The following KIAA1217 variants were observed in gnomAD, a reference collection of about 807,000 sequenced individuals.
KIAA1217 encodes sickle tail protein homolog.
KIAA1217 carries 88 observed loss-of-function variants against 163.9 expected under a neutral mutation model. The observed-to-expected ratio is 0.54, with a 90% CI of 0.45 to 0.64. The LOEUF is 0.64. KIAA1217 is among the 30% of genes least tolerant of loss of function. The probability of loss-of-function intolerance (pLI) is 0.00; values close to 1 mark genes in which losing one functional copy is unlikely to be tolerated. For synonymous variants in KIAA1217, 903 were observed against 923.1 expected (o/e 0.98, Z 0.39); for missense variants, 2,372 against 2,475.0 (o/e 0.96, Z 0.88).
chr10:23,918,733 T>TATATATACAC (rs769797460), intron 1 of KIAA1217, among the ~76,000 whole-genome samples: 80 of 147,580 alleles, frequency 5.4e-4, no homozygotes, highest in East Asian at 1.4e-3. Context: ...ATTAAATATA[T>TATATATACAC]ACACACACAC....
intron 1 of KIAA1217, among the ~76,000 whole-genome samples, chr10:23,842,058 G>C (rs1356875143): frequency 2.0e-5 from 3 of 151,820 alleles, no homozygotes; most frequent in Non-Finnish European, 4.4e-5. Context: ...AGTAGAGATG[G>C]GATTTTGCCA....
At chr10:24,031,234 C>T (rs575047168) in intron 2 of KIAA1217, among the ~76,000 whole-genome samples, 1 of 152,118 alleles carries the variant, frequency 6.6e-6, no homozygotes, top group African/African-American at 2.4e-5. Flanking sequence ...AGCATCCACT[C>T]TCATGAATGT....
At chr10:24,425,995 A>T (rs534593392) in intron 3 of KIAA1217, among the ~76,000 whole-genome samples, 1 of 152,224 alleles carries the variant, frequency 6.6e-6, no homozygotes, top group African/African-American at 2.4e-5. Context: ...AGAAAACGCA[A>T]TAAGAATCCT....
intron 2 of KIAA1217, among the ~76,000 whole-genome samples, chr10:24,128,967 T>C (rs2063559198): frequency 6.6e-6 from 1 of 152,252 alleles, no homozygotes; most frequent in South Asian, 2.1e-4. Context: ...GAATTAACCC[T>C]ACTTCAGCTA....
Position 24,546,165 on chromosome 10 carries a change from G to T in KIAA1217, c.5673G>T (p.Leu1891Phe). 6.2e-7 allele frequency: 1 copy of T among 1,614,040 alleles called. No individual in the cohort carries two copies. Among genetic ancestry groups the T allele is most frequent in the Non-Finnish European group, 8.5e-7 (1 of 1,180,016 alleles). Reference protein sequence around the residue: ...QSQNGRAPPPLSFSSSPPSPA... With the variant: ...QSQNGRAPPPFSFSSSPPSPA... ...AAAATGGCCGAGCACCCCCTCCTTT[G>T]TCATTTTCCTCCTCCCCTCCTTCTC... The change falls in exon 21 of 21, where the codon TTG becomes TTT. Residue 1891 changes from leucine (L) to phenylalanine (F), a missense_variant. By Grantham distance (22) the Leu-to-Phe change is conservative. Transcript: ENST00000376454.
chr10:24,090,525 CT>C (rs1272679824), intron 2 of KIAA1217, among the ~76,000 whole-genome samples: 1 of 151,284 alleles, frequency 6.6e-6, no homozygotes, highest in Non-Finnish European at 1.5e-5. Flanking sequence ...TCTTTCCTTT[CT>C]GTGCTCCCAA....
intron 2 of KIAA1217, among the ~76,000 whole-genome samples, chr10:24,279,868 C>A (rs1335300096): frequency 2.6e-5 from 4 of 152,146 alleles, no homozygotes; most frequent in Non-Finnish European, 5.9e-5. Flanking sequence ...GGTACAAGTT[C>A]ATCTGATAGT....
At chr10:24,009,835 C>T (rs1218436543) in intron 2 of KIAA1217, among the ~76,000 whole-genome samples, 1 of 152,138 alleles carries the variant, frequency 6.6e-6, no homozygotes, top group Non-Finnish European at 1.5e-5. Flanking sequence ...AACTCTTTTG[C>T]TTTCTGAGCT....
At chr10:24,517,474 G>A (rs977859311) in intron 10 of KIAA1217, among the ~76,000 whole-genome samples, 4 of 152,024 alleles carry the variant, frequency 2.6e-5, no homozygotes, top group African/African-American at 7.2e-5. Context: ...TCTATTATGC[G>A]TCGATTTTTA....
At chr10:23,748,651 GC>G (rs1293612921) in intron 1 of KIAA1217, among the ~76,000 whole-genome samples, 1 of 151,952 alleles carries the variant, frequency 6.6e-6, no homozygotes, top group Non-Finnish European at 1.5e-5. Context: ...TTATTTGCCT[GC>G]AACCTGTGTT....
chr10:24,188,798 T>C (rs768987646), intron 2 of KIAA1217, among the ~76,000 whole-genome samples: 1 of 152,178 alleles, frequency 6.6e-6, no homozygotes, highest in African/African-American at 2.4e-5. Context: ...GCTTGATGAT[T>C]GATGAGTCAA....
chr10:24,219,619 C>T lies in KIAA1217; in HGVS notation c.71-7C>T, dbSNP rs1436175380. 4 of 1,561,488 alleles carry T rather than the reference C, an allele frequency of 2.6e-6. No homozygotes were observed. The highest frequency in any genetic ancestry group is 1.4e-5 in the African/African-American group (1 of 72,840). On this transcript the variant is annotated splice_region_variant and splice_polypyrimidine_tract_variant and intron_variant, in intron 1 of 20. Transcript: ENST00000376454. ...TTAATTGTGAACCGAATTTTTTTGT[C>T]TTTCAGAACAAGGCAAAGGCAATCT...
intron 1 of KIAA1217, among the ~76,000 whole-genome samples, chr10:23,957,748 A>G (rs1844633701): frequency 6.6e-6 from 1 of 152,092 alleles, no homozygotes. Context: ...ATAACTCCCA[A>G]CCAACTTTTC....
intron 1 of KIAA1217, among the ~76,000 whole-genome samples, chr10:23,865,848 C>T (rs1452388510): frequency 1.3e-5 from 2 of 152,094 alleles, no homozygotes; most frequent in African/African-American, 4.8e-5. Context: ...ATCCTTTCTC[C>T]AATAAATTAA....
intron 1 of KIAA1217, among the ~76,000 whole-genome samples, chr10:23,990,073 C>T (rs1029072635): frequency 9.9e-5 from 15 of 152,202 alleles, no homozygotes; most frequent in Non-Finnish European, 1.9e-4. Flanking sequence ...AGAGTTGATC[C>T]TGTGTCCCCT....
At chr10:24,122,441 A>C (rs576544076) in intron 2 of KIAA1217, among the ~76,000 whole-genome samples, 17 of 152,282 alleles carry the variant, frequency 1.1e-4, no homozygotes, top group African/African-American at 3.6e-4. Context: ...TACTGTGAAT[A>C]GTGCTGTGAC....
chr10:24,246,975 T>C (rs1315921992), intron 2 of KIAA1217, among the ~76,000 whole-genome samples: 1 of 151,430 alleles, frequency 6.6e-6, no homozygotes, highest in African/African-American at 2.4e-5. Flanking sequence ...ATCACACCAC[T>C]GCACTCCAGC....
chr10:24,302,702 T>C (rs532040562), intron 2 of KIAA1217, among the ~76,000 whole-genome samples: 11 of 149,696 alleles, frequency 7.3e-5, no homozygotes, highest in Admixed American at 7.3e-4. Flanking sequence ...AATAAGACAG[T>C]GTAAGGGAAA....
intron 2 of KIAA1217, among the ~76,000 whole-genome samples, chr10:24,297,012 G>T (rs2040701204): frequency 3.9e-5 from 6 of 152,176 alleles, no homozygotes; most frequent in Admixed American, 3.9e-4. Flanking sequence ...AAGGACATGA[G>T]ACTGTAATAC....
Sources: allele counts gnomAD v4.1 joint callset (sites outside exome capture counted in the v4.1 genomes callset), GRCh38; gene constraint gnomAD v4.1.1; transcripts MANE v1.5; gene names NCBI Gene and HGNC (gene_info 2026-07-23, HGNC 2026-07-21).